The following FAM133A variants were observed in gnomAD, a reference collection of about 807,000 sequenced individuals.
The protein encoded by FAM133A is family with sequence similarity 133 member A, also known as protein FAM133A.
For missense variants in FAM133A, 159 were observed against 164.4 expected, an observed-to-expected ratio of 0.97 and a Z score of 0.18; for synonymous variants, 65 against 58.6, an observed-to-expected ratio of 1.11 and a Z score of -0.50.
At chrX:93,677,801 C>T (rs1490847315) in intron 2 of FAM133A, among the ~76,000 whole-genome samples, 1 of 111,984 alleles carries the variant, frequency 8.9e-6, no homozygotes, top group Non-Finnish European at 1.9e-5. Context: ...CCTGGCAATA[C>T]TACAATTTGT....
Position 93,709,806 on chromosome X carries a change from A to C in FAM133A, c.387A>C (p.Lys129Asn), listed in dbSNP as rs1450473720. The change falls in exon 4 of 4, where the codon AAA becomes AAC. Residue 129 changes from lysine (K) to asparagine (N), a missense_variant. Lys to Asn is a moderately conservative substitution (Grantham distance 94). Coordinates refer to ENST00000683942, the MANE Select transcript of FAM133A (RefSeq NM_001171109.2). ...DSEDEEKKQG[K>N]RRKKKKNRSY... is the part of the protein sequence containing the mutation. ...AGGATGAGGAAAAGAAACAAGGAAA[A>C]AGGAGAAAGAAAAAGAAGAACCGTT... 8.4e-7 allele frequency: 1 copy of C among 1,194,154 alleles called. No individual in the cohort carries two copies. The highest frequency in any genetic ancestry group is 1.8e-5 in the African/African-American group (1 of 56,783).
intron 2 of FAM133A, among the ~76,000 whole-genome samples, chrX:93,692,825 C>A (rs1925977259): frequency 9.0e-6 from 1 of 111,443 alleles, no homozygotes; most frequent in African/African-American, 3.3e-5. Context: ...ATGTTGTCAG[C>A]ATTTCCTAGC....
chrX:93,681,867 A>G (rs770829206), intron 2 of FAM133A, among the ~76,000 whole-genome samples: 10 of 112,118 alleles, frequency 8.9e-5, no homozygotes, highest in African/African-American at 2.9e-4. Context: ...CATTATCTAC[A>G]TCATGAGAAT....
intron 3 of FAM133A, among the ~76,000 whole-genome samples, chrX:93,702,189 C>T (rs758938991): frequency 9.0e-6 from 1 of 111,642 alleles, no homozygotes; most frequent in South Asian, 3.7e-4. Flanking sequence ...AATAAGCACA[C>T]CCAGTGCCAA....
intron 2 of FAM133A, among the ~76,000 whole-genome samples, chrX:93,685,088 T>C (rs1925424612): frequency 8.9e-6 from 1 of 112,056 alleles, no homozygotes; most frequent in Non-Finnish European, 1.9e-5. Flanking sequence ...GGCAGTACTG[T>C]CCTGCTCTCC....
intron 3 of FAM133A, among the ~76,000 whole-genome samples, chrX:93,706,675 G>A (rs1927062407): frequency 9.0e-6 from 1 of 111,310 alleles, no homozygotes; most frequent in Non-Finnish European, 1.9e-5. Context: ...CATTGCCTTT[G>A]GTCTAATGTG....
At chrX:93,689,050 A>T (rs1355848481) in intron 2 of FAM133A, among the ~76,000 whole-genome samples, 2 of 96,973 alleles carry the variant, frequency 2.1e-5, no homozygotes, top group African/African-American at 3.8e-5. Context: ...GGTAACAGCA[A>T]TTTTTTTTTT....
rs769032305 is a variant in FAM133A at position 93,702,318 on chromosome X, G to A, written c.-104+3833G>A. Among the ~76,000 whole-genome samples the A allele has an allele frequency of 2.7e-5, 3 of 111,268 alleles. No individual in the cohort carries two copies. In the South Asian group the frequency reaches 1.1e-3, roughly 42 times the overall value. The stretch of plus-strand genomic sequence containing the variant: ...GTACTGGAACATCTTGTAAGAGCCA[G>A]CAAGTAAGGGAGTACTTAAGAATCA... On this transcript the variant is annotated intron_variant, in intron 3 of 3. Coordinates refer to ENST00000683942, the MANE Select transcript of FAM133A (RefSeq NM_001171109.2).
At position 93,709,860 on chromosome X, in the gene FAM133A, T is replaced by TGAATCA. The variant is rs763617587; in HGVS notation, c.450_455dup (p.Glu152_Ser153dup). ...ACAAATCATCCCAAAGCTCTACGCATGAATCAGAATCAGAGAGCAAGGAGT... is the reference window on the plus strand; with the variant it reads ...ACAAATCATCCCAAAGCTCTACGCATGAATCAGAATCAGAATCAGAGAGCAAGGAGT... On this transcript the variant is annotated inframe_insertion, in exon 4 of 4. Transcript: ENST00000683942. 1 of 1,202,495 alleles carries TGAATCA rather than the reference T, an allele frequency of 8.3e-7. No individual in the cohort carries two copies. The highest frequency in any genetic ancestry group is 3.0e-5 in the East Asian group (1 of 33,576).
At chrX:93,706,826 A>T (rs1486000012) in intron 3 of FAM133A, among the ~76,000 whole-genome samples, 1 of 110,550 alleles carries the variant, frequency 9.0e-6, no homozygotes, top group Non-Finnish European at 1.9e-5. Flanking sequence ...TTGAGTTCAG[A>T]CTCTTTCATT....
chrX:93,681,887 C>T (rs1239659454), intron 2 of FAM133A, among the ~76,000 whole-genome samples: 1 of 111,771 alleles, frequency 8.9e-6, no homozygotes, highest in Admixed American at 9.5e-5. Context: ...TGTGTTTAGC[C>T]TTCTTTGTAA....
At chrX:93,680,671 T>A (rs5939724) in intron 2 of FAM133A, among the ~76,000 whole-genome samples, 49,183 of 110,556 alleles carry the variant, frequency 0.44, 8,184 homozygotes, top group Admixed American at 0.54. Flanking sequence ...ATTATGTTTT[T>A]AATTTGCATT....
chrX:93,685,313 G>C (rs1925440142), intron 2 of FAM133A, among the ~76,000 whole-genome samples: 1 of 111,491 alleles, frequency 9.0e-6, no homozygotes, highest in South Asian at 3.7e-4. Flanking sequence ...GAAAAAACTT[G>C]AGCCAATTTC....
At chrX:93,688,004 T>C (rs1454181189) in intron 2 of FAM133A, among the ~76,000 whole-genome samples, 1 of 112,013 alleles carries the variant, frequency 8.9e-6, no homozygotes, top group Non-Finnish European at 1.9e-5. Context: ...CTGAATAGCA[T>C]TCCATTATGC....
intron 2 of FAM133A, among the ~76,000 whole-genome samples, chrX:93,680,319 C>T (rs927355737): frequency 5.4e-5 from 6 of 111,225 alleles, no homozygotes; most frequent in Admixed American, 2.9e-4. Flanking sequence ...GTATACATAC[C>T]ATATTTTCTT....
chrX:93,705,786 A>G (rs1927002675), intron 3 of FAM133A, among the ~76,000 whole-genome samples: 1 of 110,460 alleles, frequency 9.1e-6, no homozygotes, highest in South Asian at 3.8e-4. Flanking sequence ...ATATTGCCAC[A>G]TTAGTTATTT....
At position 93,709,569 on chromosome X, in the gene FAM133A, TA is replaced by T; in HGVS notation, c.157del (p.Thr53GlnfsTer6). 2 of 1,198,545 alleles carry T rather than the reference TA, an allele frequency of 1.7e-6. No individual in the cohort carries two copies. The highest frequency in any genetic ancestry group is 1.8e-5 in the South Asian group (1 of 54,947). On this transcript the variant is annotated frameshift_variant, in exon 4 of 4. Transcript: ENST00000683942. LOFTEE classifies it low-confidence loss of function (END_TRUNC). ...WEEVKKQLEN[K>X]KTGSKALAEF... The stretch of plus-strand genomic sequence containing the variant: ...AAGAAGTAAAGAAACAATTAGAAAA[TA>T]AAAAAACAGGTTCAAAAGCATTAGC...
intron 3 of FAM133A, among the ~76,000 whole-genome samples, chrX:93,699,229 T>G (rs1344847695): frequency 2.7e-5 from 3 of 111,251 alleles, no homozygotes; most frequent in African/African-American, 9.8e-5. Flanking sequence ...GCCATGTACC[T>G]TAGGGATTCT....
chrX:93,684,866 T>C (rs1183508034), intron 2 of FAM133A, among the ~76,000 whole-genome samples: 2 of 112,254 alleles, frequency 1.8e-5, no homozygotes, highest in Non-Finnish European at 3.8e-5. Flanking sequence ...AAATAGTGTT[T>C]CAATTACTAC....
Sources: allele counts gnomAD v4.1 joint callset (sites outside exome capture counted in the v4.1 genomes callset), GRCh38; gene constraint gnomAD v4.1.1; transcripts MANE v1.5; gene names NCBI Gene and HGNC (gene_info 2026-07-23, HGNC 2026-07-21).